PLCG2: variants seen among roughly 807,000 people sequenced by gnomAD.
The protein encoded by PLCG2 is phospholipase C gamma 2.
PLCG2 carries 69 observed loss-of-function variants against 175.6 expected under a neutral mutation model. That is an observed-to-expected ratio of 0.39 (90% CI 0.32 to 0.48). PLCG2 has a LOEUF of 0.48. PLCG2 is among the 20% of genes least tolerant of loss of function. The probability of loss-of-function intolerance (pLI) is 0.91; values close to 1 mark genes in which losing one functional copy is unlikely to be tolerated. For synonymous variants in PLCG2, 827 were observed against 624.0 expected (o/e 1.33, Z -4.85); for missense variants, 1,798 against 1,650.9 (o/e 1.09, Z -1.54).
rs148113673 is a variant in PLCG2, at chr16:81,853,166, A to C, written c.194-1278A>C. 2.0e-5 allele frequency among the ~76,000 whole-genome samples: 3 copies of C among 152,198 alleles called. No individual in the cohort carries two copies. In the East Asian group the frequency reaches 5.8e-4, roughly 29 times the overall value. ...GCCAACATGATGAAACCCCATCTCTACTAAAAATACAAAAACTAGCCGGGC... is the reference window on the plus strand; with the variant it reads ...GCCAACATGATGAAACCCCATCTCTCCTAAAAATACAAAAACTAGCCGGGC... On this transcript the variant is annotated intron_variant, in intron 2 of 32. Transcript: ENST00000564138.
At position 81,858,403 on chromosome 16, in the gene PLCG2, T is replaced by G. The variant is rs749085250; in HGVS notation, c.431+47T>G. On this transcript the variant is annotated intron_variant, in intron 4 of 32. Transcript: ENST00000564138. ...ATTTGCGTAGTTGCTGATTCCTTTA[T>G]TCTGCTGCCTTTAGCCAACATGGGC... 17 of 1,315,254 alleles carry G rather than the reference T, an allele frequency of 1.3e-5. 1 individual carries two copies. In the South Asian group the frequency reaches 1.9e-4, roughly 15 times the overall value. 81.5% of individuals were successfully genotyped at this position (1,315,254 alleles called of 1,614,324 possible).
Position 81,921,286 on chromosome 16 carries a change from C to T in PLCG2, c.2307+17C>T, listed in dbSNP as rs1262361727. 1 of 1,552,988 alleles carries T rather than the reference C, an allele frequency of 6.4e-7. No individual in the cohort carries two copies. Among genetic ancestry groups the T allele is most frequent in the Admixed American group, 1.7e-5 (1 of 59,932 alleles). ...CCGTCCATGGTACGGTGCCGAACCT[C>T]CAATTCACATGATTTTGGAGTCACG... On this transcript the variant is annotated intron_variant, in intron 21 of 32. Coordinates refer to ENST00000564138, the MANE Select transcript of PLCG2 (RefSeq NM_002661.5).
At chr16:81,800,662 T>C (rs1299939790) in intron 2 of PLCG2, among the ~76,000 whole-genome samples, 1 of 151,808 alleles carries the variant, frequency 6.6e-6, no homozygotes, top group African/African-American at 2.4e-5. Context: ...TGTGATACTA[T>C]TGCTATTATT....
At position 81,910,551 on chromosome 16, in the gene PLCG2, C is replaced by A; in HGVS notation, c.1765C>A (p.Arg589Ser). Residue 589 changes from arginine (R) to serine (S), a missense_variant, in exon 18 of 33, where the codon CGC (arginine) becomes AGC (serine). Physicochemically the swap from Arg to Ser is moderately radical, Grantham distance 110 (BLOSUM62 -1). Coordinates refer to ENST00000564138, the MANE Select transcript of PLCG2 (RefSeq NM_002661.5). ...AGGCCGGGTCCAGCACTGCCGGATC[C>A]GCTCCACCATGGAGGGCGGGACCCT... ...RSGRVQHCRI[R>S]STMEGGTLKY... 6.2e-7 allele frequency: 1 copy of A among 1,614,114 alleles called. No homozygotes were observed. Among genetic ancestry groups the A allele is most frequent in the Non-Finnish European group, 8.5e-7 (1 of 1,179,994 alleles).
At chr16:81,938,006 T>G (rs1298485153) in intron 28 of PLCG2, 103 bp downstream of exon 28, 4 of 1,068,680 alleles carry the variant, frequency 3.7e-6, no homozygotes, top group Non-Finnish European at 5.5e-6. Context: ...GGGAGGCTGG[T>G]TGTCTTGTTT....
intron 2 of PLCG2, among the ~76,000 whole-genome samples, chr16:81,804,885 C>T (rs1911921813): frequency 6.6e-6 from 1 of 152,164 alleles, no homozygotes; most frequent in African/African-American, 2.4e-5. Context: ...GAGCATCTGC[C>T]ATGTGTCAGT....
chr16:81,884,340 G>A (rs1398894520), intron 9 of PLCG2, among the ~76,000 whole-genome samples: 1 of 151,522 alleles, frequency 6.6e-6, no homozygotes, highest in Non-Finnish European at 1.5e-5. Flanking sequence ...AACAGAGCAA[G>A]ACTCCGTCTC....
At chr16:81,886,147 A>G (rs1479882752) in intron 9 of PLCG2, among the ~76,000 whole-genome samples, 1 of 152,190 alleles carries the variant, frequency 6.6e-6, no homozygotes, top group Non-Finnish European at 1.5e-5. Flanking sequence ...CCTAGAATTC[A>G]CCACCTGGTA....
intron 2 of PLCG2, among the ~76,000 whole-genome samples, chr16:81,843,186 T>G (rs542030037): frequency 6.6e-6 from 1 of 152,268 alleles, no homozygotes; most frequent in Admixed American, 6.5e-5. Context: ...GAATAAAGTG[T>G]TGTTTCAGTC....
At chr16:81,896,363 AAAACACACACACAC>A (rs1269333543) in intron 13 of PLCG2, among the ~76,000 whole-genome samples, 4 of 129,080 alleles carry the variant, frequency 3.1e-5, no homozygotes, top group Non-Finnish European at 6.4e-5. Context: ...CTTCTCTACC[AAAACACACACACAC>A]ACACACACAC....
chr16:81,935,767 G>A, intron 26 of PLCG2: 1 of 985,340 alleles, frequency 1.0e-6, no homozygotes, highest in Non-Finnish European at 1.2e-6. Context: ...TTTGGCAGGT[G>A]ATTCTCAGTT....
intron 2 of PLCG2, among the ~76,000 whole-genome samples, chr16:81,809,831 CG>C (rs1904302035): frequency 9.8e-6 from 1 of 101,934 alleles, no homozygotes; most frequent in African/African-American, 4.1e-5. Flanking sequence ...TTGGCCGGGG[CG>C]GGGGGTGGGG....
chr16:81,748,369 G>T (rs1597301768), intron 1 of PLCG2, among the ~76,000 whole-genome samples: 1 of 151,568 alleles, frequency 6.6e-6, no homozygotes, highest in East Asian at 1.9e-4. Context: ...TAGCCTGGGT[G>T]ACAGAGTGAG....
intron 2 of PLCG2, among the ~76,000 whole-genome samples, chr16:81,787,382 T>G (rs1911019204): frequency 7.6e-6 from 1 of 130,962 alleles, no homozygotes; most frequent in Admixed American, 8.3e-5. Flanking sequence ...CCGCCATGCC[T>G]GGATAATTTA....
At chr16:81,744,773 C>A (rs1909671312) in intron 1 of PLCG2, among the ~76,000 whole-genome samples, 1 of 151,896 alleles carries the variant, frequency 6.6e-6, no homozygotes, top group South Asian at 2.1e-4. Context: ...ACTATGTTGC[C>A]CAGGCTGATC....
upstream of PLCG2, among the ~76,000 whole-genome samples, chr16:81,778,043 CAA>C (rs1243068088): frequency 1.0e-4 from 6 of 59,856 alleles, no homozygotes; most frequent in African/African-American, 3.5e-4. Context: ...AAAAAAAAAA[CAA>C]AAAAAAAAAC....
intron 2 of PLCG2, among the ~76,000 whole-genome samples, chr16:81,786,501 A>G (rs150055545): frequency 1.5e-4 from 23 of 152,272 alleles, no homozygotes; most frequent in Admixed American, 2.0e-4. Flanking sequence ...GGTTCCCACA[A>G]CTGGTCGAGT....
intron 7 of PLCG2, among the ~76,000 whole-genome samples, chr16:81,873,310 G>A (rs1907608750): frequency 6.6e-6 from 1 of 152,162 alleles, no homozygotes; most frequent in African/African-American, 2.4e-5. Flanking sequence ...ACAGGAAACT[G>A]TAACAACCAC....
At chr16:81,771,893 C>T (rs1910289278) in intron 2 of PLCG2, among the ~76,000 whole-genome samples, 1 of 152,184 alleles carries the variant, frequency 6.6e-6, no homozygotes, top group South Asian at 2.1e-4. Context: ...AAATGATTCT[C>T]CTGCCTCAGC....
Sources: gnomAD v4.1 joint callset for allele counts (sites outside exome capture counted in the v4.1 genomes callset) on GRCh38, gnomAD v4.1.1 for gene constraint, MANE v1.5 for transcripts, NCBI Gene and HGNC (gene_info 2026-07-23, HGNC 2026-07-21) for gene names.